TRAK1: variants seen among roughly 807,000 people sequenced by gnomAD.
TRAK1 encodes trafficking kinesin protein 1.
In TRAK1, 33 loss-of-function variants were observed where a neutral mutation model predicts 92.1. The ratio of observed to expected loss-of-function variants is 0.36; its 90% CI spans 0.27 to 0.48. The LOEUF (loss-of-function observed/expected upper bound fraction) is 0.48, where lower values mean the gene tolerates loss of function less well. Ranked by LOEUF, TRAK1 falls within the 20% of genes least tolerant of loss-of-function variation. The probability of loss-of-function intolerance (pLI) is 0.99; values close to 1 mark genes in which losing one functional copy is unlikely to be tolerated. For synonymous variants in TRAK1, 521 were observed against 517.3 expected, an observed-to-expected ratio of 1.01 and a Z score of -0.10; for missense variants, 1,123 against 1,257.9, an observed-to-expected ratio of 0.89 and a Z score of 1.62.
intron 1 of TRAK1, among the ~76,000 whole-genome samples, chr3:42,016,557 T>C (rs1347320437): frequency 1.3e-5 from 2 of 152,234 alleles, no homozygotes; most frequent in Admixed American, 1.3e-4. Flanking sequence ...AGTAGGCCTC[T>C]GTAATTGTTT....
chr3:42,221,653 C>G (rs1360199732), intron 15 of TRAK1, among the ~76,000 whole-genome samples: 1 of 152,192 alleles, frequency 6.6e-6, no homozygotes, highest in Non-Finnish European at 1.5e-5. Flanking sequence ...TGCAGCTGAC[C>G]TGCTCCAAGG....
intron 1 of TRAK1, among the ~76,000 whole-genome samples, chr3:42,028,210 C>T (rs1374810127): frequency 6.6e-6 from 1 of 152,188 alleles, no homozygotes; most frequent in Non-Finnish European, 1.5e-5. Flanking sequence ...CCGTGGGCCA[C>T]GTGTTTACAT....
intron 15 of TRAK1, among the ~76,000 whole-genome samples, chr3:42,220,826 A>G (rs895000646): frequency 6.6e-6 from 1 of 152,194 alleles, no homozygotes; most frequent in East Asian, 1.9e-4. Context: ...GGGATCATAA[A>G]TATTAGCTTT....
At chr3:42,189,986 C>T (rs1396232248) in intron 6 of TRAK1, among the ~76,000 whole-genome samples, 20 of 152,014 alleles carry the variant, frequency 1.3e-4, no homozygotes, top group Admixed American at 1.2e-3. Context: ...AAGCTCGTTA[C>T]TTTGATTCTC....
chr3:42,160,850 C>T (rs9681160), intron 2 of TRAK1, among the ~76,000 whole-genome samples: 23,839 of 152,050 alleles, frequency 0.16, 2,119 homozygotes, highest in Non-Finnish European at 0.21. Context: ...TGAAATTCAT[C>T]CTTGTTGTTG....
intron 1 of TRAK1, among the ~76,000 whole-genome samples, chr3:42,098,605 C>T (rs1559762279): frequency 6.6e-6 from 1 of 152,128 alleles, no homozygotes; most frequent in Non-Finnish European, 1.5e-5. Context: ...GCCAGCTCAC[C>T]CTTTGGGGTG....
At chr3:42,160,342 G>T (rs371720812) in intron 2 of TRAK1, 2 of 1,613,700 alleles carry the variant, frequency 1.2e-6, no homozygotes, top group Non-Finnish European at 1.7e-6. Context: ...TGATGTTTTG[G>T]CTTTGGGGTG....
At chr3:42,110,094 G>GTATATATA (rs375315730) in intron 1 of TRAK1, among the ~76,000 whole-genome samples, 1,450 of 83,006 alleles carry the variant, frequency 0.017, 66 homozygotes, top group African/African-American at 0.043. Context: ...AGAACTTAAA[G>GTATATATA]TATATATATA....
intron 1 of TRAK1, among the ~76,000 whole-genome samples, chr3:42,105,998 T>C (rs1707495389): frequency 6.6e-6 from 1 of 152,084 alleles, no homozygotes; most frequent in Non-Finnish European, 1.5e-5. Context: ...CAGGCCTGCC[T>C]TACAAGAGCT....
chr3:42,047,244 G>A (rs1451786319), intron 1 of TRAK1, among the ~76,000 whole-genome samples: 1 of 144,040 alleles, frequency 6.9e-6, no homozygotes, highest in Non-Finnish European at 1.5e-5. Context: ...CGCCCAGGCT[G>A]GATTGTAGTG....
At chr3:42,113,349 C>T (rs1420328235) in intron 1 of TRAK1, among the ~76,000 whole-genome samples, 2 of 124,976 alleles carry the variant, frequency 1.6e-5, no homozygotes, top group Non-Finnish European at 3.6e-5. Context: ...TCTACTCCTA[C>T]TCCTACGCCT....
At chr3:42,056,039 T>G (rs914819703) in intron 1 of TRAK1, among the ~76,000 whole-genome samples, 2 of 152,268 alleles carry the variant, frequency 1.3e-5, no homozygotes, top group African/African-American at 4.8e-5. Flanking sequence ...CTGTATAATA[T>G]TCCATTGTTA....
chr3:42,198,450 A>G (rs986249685), intron 10 of TRAK1, among the ~76,000 whole-genome samples: 1 of 152,228 alleles, frequency 6.6e-6, no homozygotes, highest in Middle Eastern at 3.2e-3. Flanking sequence ...CAGGAATCCT[A>G]CATTTCCTGG....
chr3:42,175,597 G>T (rs1004623849), intron 2 of TRAK1, among the ~76,000 whole-genome samples: 19 of 152,088 alleles, frequency 1.2e-4, no homozygotes, highest in Non-Finnish European at 4.4e-5. Context: ...CAGATTTCAG[G>T]TCTCCTCCCT....
intron 1 of TRAK1, among the ~76,000 whole-genome samples, chr3:42,018,978 T>C (rs887179267): frequency 6.6e-6 from 1 of 151,952 alleles, no homozygotes; most frequent in African/African-American, 2.4e-5. Context: ...AAAAATTAGC[T>C]GGGCGTGCTG....
upstream of TRAK1, among the ~76,000 whole-genome samples, chr3:42,090,386 G>A (rs898808343): frequency 1.3e-5 from 2 of 152,212 alleles, no homozygotes; most frequent in Non-Finnish European, 2.9e-5. Context: ...ATGGCAGAAT[G>A]TACCGCTGAA....
intron 2 of TRAK1, chr3:42,149,226 G>A: frequency 8.2e-7 from 1 of 1,225,942 alleles, no homozygotes; most frequent in Non-Finnish European, 1.0e-6. Context: ...GACGATCCTG[G>A]CTACTCCCAT....
At chr3:42,130,377 T>C (rs1697035430) in intron 2 of TRAK1, among the ~76,000 whole-genome samples, 1 of 118,452 alleles carries the variant, frequency 8.4e-6, no homozygotes, top group Non-Finnish European at 1.8e-5. Context: ...CTCCCTGAGT[T>C]TACCTGGAGC....
chr3:42,203,748 G>T (rs1425631989), intron 13 of TRAK1: 1 of 946,678 alleles, frequency 1.1e-6, no homozygotes, highest in Admixed American at 9.5e-5. Context: ...AGCCTTCTTA[G>T]ACGTTTTTTC....
Sources: allele counts gnomAD v4.1 joint callset (sites outside exome capture counted in the v4.1 genomes callset), GRCh38; gene constraint gnomAD v4.1.1; transcripts MANE v1.5; gene names NCBI Gene and HGNC (gene_info 2026-07-23, HGNC 2026-07-21).